The following REDIC1 variants were observed in gnomAD, a reference collection of about 807,000 sequenced individuals.
REDIC1 encodes the protein regulator of DNA class I crossover intermediates 1, also known as HEI10 Interacting Protein 1.
the REDIC1 span, among the ~76,000 whole-genome samples, chr12:39,859,870 C>T: frequency 6.6e-6 from 1 of 152,048 alleles, no homozygotes; most frequent in Non-Finnish European, 1.5e-5. Context: ...GAACTAGAGG[C>T]ATAGTCCCTT....
the REDIC1 span, among the ~76,000 whole-genome samples, chr12:39,695,576 G>A: frequency 1.3e-5 from 2 of 151,702 alleles, no homozygotes; most frequent in African/African-American, 2.4e-5. Context: ...CTCAGCCCCA[G>A]TAAAATAGAA....
the REDIC1 span, chr12:39,755,804 A>G: frequency 2.0e-5 from 3 of 152,236 alleles, no homozygotes; most frequent in South Asian, 4.1e-4. Flanking sequence ...TTTTGTACAT[A>G]TAAAGATTTA....
At chr12:39,642,358 C>G in the REDIC1 span, among the ~76,000 whole-genome samples, 1 of 151,700 alleles carries the variant, frequency 6.6e-6, no homozygotes, top group Non-Finnish European at 1.5e-5. Context: ...TTCCTACCCT[C>G]TTTGGATAGC....
chr12:39,898,557 T>C, the REDIC1 span, among the ~76,000 whole-genome samples: 5 of 152,090 alleles, frequency 3.3e-5, no homozygotes, highest in African/African-American at 7.2e-5. Flanking sequence ...CCAGGCAAAA[T>C]AGCTGGCTTG....
chr12:39,643,750 G>A, the REDIC1 span: 3 of 1,415,686 alleles, frequency 2.1e-6, no homozygotes, highest in Admixed American at 4.1e-5. Flanking sequence ...CATATTTGCT[G>A]CATTGTTTTT....
the REDIC1 span, among the ~76,000 whole-genome samples, chr12:39,884,734 G>A: frequency 1.3e-5 from 2 of 152,186 alleles, no homozygotes; most frequent in African/African-American, 4.8e-5. Flanking sequence ...GGAACATGAA[G>A]GCAGCGATGA....
chr12:39,680,115 A>G, the REDIC1 span, among the ~76,000 whole-genome samples: 1 of 152,182 alleles, frequency 6.6e-6, no homozygotes, highest in Non-Finnish European at 1.5e-5. Flanking sequence ...AATGCAACAA[A>G]AACAAAAATA....
At chr12:39,749,751 G>C in the REDIC1 span, among the ~76,000 whole-genome samples, 3 of 152,152 alleles carry the variant, frequency 2.0e-5, no homozygotes, top group African/African-American at 7.2e-5. Flanking sequence ...TGGGATGCAA[G>C]GCTGGTTCAA....
At chr12:39,896,687 G>A in the REDIC1 span, among the ~76,000 whole-genome samples, 10 of 151,558 alleles carry the variant, frequency 6.6e-5, no homozygotes, top group Non-Finnish European at 1.2e-4. Context: ...AATATCCCTC[G>A]TTATCTGCAA....
the REDIC1 span, among the ~76,000 whole-genome samples, chr12:39,672,563 G>A: frequency 6.6e-6 from 1 of 152,122 alleles, no homozygotes; most frequent in Non-Finnish European, 1.5e-5. Context: ...CTGTCACTGG[G>A]GGCAGCTATA....
the REDIC1 span, among the ~76,000 whole-genome samples, chr12:39,844,243 T>C: frequency 6.6e-6 from 1 of 152,090 alleles, no homozygotes; most frequent in Admixed American, 6.6e-5. Flanking sequence ...TTTCTACTTA[T>C]TGAGAACTTT....
At chr12:39,874,190 T>C in the REDIC1 span, among the ~76,000 whole-genome samples, 1 of 152,192 alleles carries the variant, frequency 6.6e-6, no homozygotes, top group Admixed American at 6.5e-5. Flanking sequence ...TCATAGAGGT[T>C]TGCCAGCAGG....
the REDIC1 span, among the ~76,000 whole-genome samples, chr12:39,902,705 C>T: frequency 1.8e-4 from 27 of 152,002 alleles, no homozygotes; most frequent in South Asian, 2.1e-3. Context: ...ATCCCAAATG[C>T]GTCACCTTCA....
chr12:39,802,256 G>T, the REDIC1 span: 1 of 152,120 alleles, frequency 6.6e-6, no homozygotes, highest in South Asian at 2.1e-4. Flanking sequence ...CATTTTGCAT[G>T]CAGGTCCTCA....
the REDIC1 span, among the ~76,000 whole-genome samples, chr12:39,702,316 G>A: frequency 2.0e-5 from 3 of 152,194 alleles, no homozygotes; most frequent in East Asian, 1.9e-4. Flanking sequence ...CTCTACCCAA[G>A]TAAACTAGAA....
chr12:39,627,894 A>T, the REDIC1 span, among the ~76,000 whole-genome samples: 1 of 152,138 alleles, frequency 6.6e-6, no homozygotes, highest in Admixed American at 6.5e-5. Context: ...AATGTTACAT[A>T]TGGTTTTGAA....
the REDIC1 span, among the ~76,000 whole-genome samples, chr12:39,883,110 A>G: frequency 6.6e-6 from 1 of 152,204 alleles, no homozygotes; most frequent in African/African-American, 2.4e-5. Context: ...TTTAAAGTAT[A>G]TAATTCAGTG....
the REDIC1 span, among the ~76,000 whole-genome samples, chr12:39,901,326 C>A: frequency 2.6e-5 from 4 of 151,936 alleles, no homozygotes; most frequent in African/African-American, 2.4e-5. Context: ...GCAACAAAAG[C>A]CAAAATTGAC....
the REDIC1 span, among the ~76,000 whole-genome samples, chr12:39,729,100 A>G: frequency 6.6e-6 from 1 of 152,074 alleles, no homozygotes; most frequent in African/African-American, 2.4e-5. Context: ...TAATCTTTTC[A>G]AAAAACCAGC....
Sources: allele counts gnomAD v4.1 joint callset (sites outside exome capture counted in the v4.1 genomes callset), GRCh38; gene constraint gnomAD v4.1.1; transcripts MANE v1.5; gene names NCBI Gene and HGNC (gene_info 2026-07-23, HGNC 2026-07-21).